NACC2: variants seen among roughly 807,000 people sequenced by gnomAD.
NACC2 encodes the protein nucleus accumbens-associated protein 2.
In NACC2, 8 loss-of-function variants were observed where a neutral mutation model predicts 25.1. The ratio of observed to expected loss-of-function variants is 0.32; its 90% CI spans 0.19 to 0.57. NACC2 has a LOEUF of 0.57. Ranked by LOEUF, NACC2 falls within the 20% of genes least tolerant of loss-of-function variation. The pLI is 0.89. For synonymous variants in NACC2, 435 were observed against 294.7 expected (o/e 1.48, Z -4.88); for missense variants, 644 against 650.2 (o/e 0.99, Z 0.10).
intron 1 of NACC2, among the ~76,000 whole-genome samples, chr9:136,090,218 G>A (rs190164775): frequency 6.6e-6 from 1 of 152,360 alleles, no homozygotes; most frequent in East Asian, 1.9e-4. Context: ...CAGATGCCCA[G>A]GGCCTGGGTG....
chr9:136,044,126 A>G (rs1171783511), intron 2 of NACC2, among the ~76,000 whole-genome samples: 4 of 152,116 alleles, frequency 2.6e-5, no homozygotes, highest in Non-Finnish European at 5.9e-5. Context: ...CGCCTGGCCA[A>G]TACAAATACT....
chr9:136,029,397 T>C (rs1840441066), intron 2 of NACC2, among the ~76,000 whole-genome samples: 1 of 152,226 alleles, frequency 6.6e-6, no homozygotes, highest in South Asian at 2.1e-4. Context: ...AAAGCATTTC[T>C]TCACTTTACT....
intron 1 of NACC2, among the ~76,000 whole-genome samples, chr9:136,091,380 C>A (rs145582312): frequency 6.6e-6 from 1 of 152,298 alleles, no homozygotes; most frequent in East Asian, 1.9e-4. Context: ...CCCAGGAGAC[C>A]TGAGCCCAGG....
intron 1 of NACC2, among the ~76,000 whole-genome samples, chr9:136,056,017 C>G (rs993890321): frequency 2.6e-5 from 4 of 152,182 alleles, no homozygotes; most frequent in African/African-American, 9.7e-5. Context: ...CCGCGCAACG[C>G]CTTCCCTTTC....
intron 2 of NACC2, 50 bp downstream of exon 2, chr9:136,049,586 A>C: frequency 1.4e-6 from 1 of 738,162 alleles, no homozygotes; most frequent in Non-Finnish European, 2.5e-6. Flanking sequence ...GGTCCCAGGC[A>C]GGCCCCGCTT....
In NACC2 at chr9:136,055,261, C is replaced by T. The variant is rs987974864; in HGVS notation, c.-59-4681G>A. On this transcript the variant is annotated intron_variant, in intron 1 of 5. Transcript: ENST00000277554. The surrounding 1 kb of genome is among the most constrained non-coding windows in gnomAD (Gnocchi z 4.9). ...CACACAGGGGTTGGGGCAGCGTCTC[C>T]AGAACGACCCCCCTGCCTGAGTGTC... Among the ~76,000 whole-genome samples, 1 of 152,150 alleles carries T rather than the reference C, an allele frequency of 6.6e-6. No homozygotes were observed. Among genetic ancestry groups the T allele is most frequent in the African/African-American group, 2.4e-5 (1 of 41,436 alleles).
In NACC2 at chr9:136,019,267, C is replaced by G. The variant is rs997397309; in HGVS notation, c.887-2838G>C. The G allele has an allele frequency of 6.6e-6, 1 of 152,240 alleles. No homozygotes were observed. The highest frequency in any genetic ancestry group is 2.4e-5 in the African/African-American group (1 of 41,464). The allele number at this position is 152,240 out of a possible 1,614,324, so 9.4% of individuals were successfully genotyped here. A position where few individuals can be genotyped will look rare whatever the true frequency, so the allele number is the denominator to read the frequency against. On this transcript the variant is annotated intron_variant, in intron 2 of 5. Coordinates refer to ENST00000277554, the MANE Select transcript of NACC2 (RefSeq NM_144653.5). This position sits in a 1 kb window ranked among gnomAD's most constrained non-coding sequence, Gnocchi z 5.2. ...ATGGCAGAGACAGGACGGCTCATCC[C>G]TCGTGGCCCCCGGAAGGGCCATTCA...
At chr9:136,045,550 C>A (rs1460612632) in intron 2 of NACC2, among the ~76,000 whole-genome samples, 1 of 152,220 alleles carries the variant, frequency 6.6e-6, no homozygotes, top group Non-Finnish European at 1.5e-5. Flanking sequence ...GCCGGGCGAG[C>A]CCCATCAGGC....
At chr9:136,088,965 G>A (rs922951521) in intron 1 of NACC2, among the ~76,000 whole-genome samples, 1 of 152,242 alleles carries the variant, frequency 6.6e-6, no homozygotes, top group Non-Finnish European at 1.5e-5. Flanking sequence ...AATGATCTCG[G>A]CATCGCGTGG....
intron 1 of NACC2, among the ~76,000 whole-genome samples, chr9:136,052,803 C>A (rs1840866656): frequency 6.6e-6 from 1 of 152,250 alleles, no homozygotes; most frequent in African/African-American, 2.4e-5. Context: ...CACCTCCTGC[C>A]CAAGGGGGTC....
chr9:136,035,742 G>A lies in NACC2; in HGVS notation c.886+13894C>T, dbSNP rs554561622. On this transcript the variant is annotated intron_variant, in intron 2 of 5. Coordinates refer to ENST00000277554, the MANE Select transcript of NACC2 (RefSeq NM_144653.5). Reference sequence around the variant, plus strand: ...AAAAAAAAAAGTTCAGCCTTTTGATGTAAAGGGCATAATATCTGCAACTTA... The same window carrying A: ...AAAAAAAAAAGTTCAGCCTTTTGATATAAAGGGCATAATATCTGCAACTTA... Among the ~76,000 whole-genome samples, 357 of 151,870 alleles carry A rather than the reference G, an allele frequency of 2.4e-3. 9 individuals carry two copies. The South Asian group carries it at 0.053, about 23-fold the overall frequency.
chr9:136,019,641 G>A lies in NACC2; in HGVS notation c.887-3212C>T, dbSNP rs1160130058. ...AGGGAAGGTGCACCAGGGTCACGACGAGAGGGCCCGGAGCAGCAGCCTCCC... is the reference window on the plus strand; with the variant it reads ...AGGGAAGGTGCACCAGGGTCACGACAAGAGGGCCCGGAGCAGCAGCCTCCC... On this transcript the variant is annotated intron_variant, in intron 2 of 5. Coordinates refer to ENST00000277554, the MANE Select transcript of NACC2 (RefSeq NM_144653.5). This position sits in a 1 kb window ranked among gnomAD's most constrained non-coding sequence, Gnocchi z 5.2. Among the ~76,000 whole-genome samples the A allele has an allele frequency of 2.0e-5, 3 of 152,196 alleles. No homozygotes were observed. The highest frequency in any genetic ancestry group is 2.1e-4 in the South Asian group (1 of 4,834).
Position 136,050,357 on chromosome 9 carries a change from G to A in NACC2, c.165C>T (p.Phe55=). ...TGCTGTTGCCGCTGAACAGGTCGCG[G>A]AAGTAGAGGCTGCTGGCGGCCAGCA... ...RAVLAASSLY[F]RDLFSGNSKS... Residue 55 remains phenylalanine (F), a synonymous_variant, in exon 2 of 6, where the codon TTC becomes TTT. Transcript: ENST00000277554. 1 of 749,502 alleles carries A rather than the reference G, an allele frequency of 1.3e-6. No individual in the cohort carries two copies. Among genetic ancestry groups the A allele is most frequent in the Non-Finnish European group, 2.4e-6 (1 of 408,490 alleles). 46.4% of individuals were successfully genotyped at this position (749,502 alleles called of 1,614,324 possible). A position where few individuals can be genotyped will look rare whatever the true frequency, so the allele number is the denominator to read the frequency against.
chr9:136,044,864 T>A (rs1352895742), intron 2 of NACC2, among the ~76,000 whole-genome samples: 1 of 152,028 alleles, frequency 6.6e-6, no homozygotes, highest in Non-Finnish European at 1.5e-5. Flanking sequence ...GCCACCTGGG[T>A]TCTGTGGCCC....
At chr9:136,069,176 G>C (rs1255828217) in intron 1 of NACC2, among the ~76,000 whole-genome samples, 10 of 146,642 alleles carry the variant, frequency 6.8e-5, no homozygotes, top group Non-Finnish European at 2.9e-5. Context: ...AAAGTGCTGG[G>C]ATCATAGGCG....
intron 1 of NACC2, among the ~76,000 whole-genome samples, chr9:136,090,398 G>A (rs367758869): frequency 6.2e-4 from 94 of 152,364 alleles, no homozygotes; most frequent in African/African-American, 2.0e-3. Context: ...CAGTGCCCAG[G>A]AGTGAGAAGG....
intron 2 of NACC2, among the ~76,000 whole-genome samples, chr9:136,024,110 T>G (rs965378072): frequency 7.0e-6 from 1 of 141,866 alleles, no homozygotes; most frequent in African/African-American, 2.7e-5. Flanking sequence ...TGTGTGTGGG[T>G]GAGGACAGAG....
At position 136,016,433 on chromosome 9, in the gene NACC2, T is replaced by G. The variant is rs1246523229; in HGVS notation, c.887-4A>C. 1 of 1,610,844 alleles carries G rather than the reference T, an allele frequency of 6.2e-7. No individual in the cohort carries two copies. Among genetic ancestry groups the G allele is most frequent in the Admixed American group, 1.7e-5 (1 of 60,024 alleles). ...ACTGGCTCAGGCTTCTCTTGCACTG[T>G]GGGCCCAGAACCAACCTGGTCAGAT... is the stretch of plus-strand genomic sequence containing the variant. On this transcript the variant is annotated splice_polypyrimidine_tract_variant and splice_region_variant and intron_variant, in intron 2 of 5. Coordinates refer to ENST00000277554, the MANE Select transcript of NACC2 (RefSeq NM_144653.5).
At position 136,007,349 on chromosome 9, in the gene NACC2, A is replaced by G. The variant is rs1564212694; in HGVS notation, c.*4167T>C. Reference sequence around the variant, plus strand: ...CCGGTGGTGACGTGCACGCGCGTGCACACACACAGACACACGCGTGCACAC... The same window carrying G: ...CCGGTGGTGACGTGCACGCGCGTGCGCACACACAGACACACGCGTGCACAC... On this transcript the variant is annotated 3_prime_UTR_variant, in exon 6 of 6. Coordinates refer to ENST00000277554, the MANE Select transcript of NACC2 (RefSeq NM_144653.5). 1 of 149,440 alleles carries G rather than the reference A, an allele frequency of 6.7e-6. No individual in the cohort carries two copies. Among genetic ancestry groups the G allele is most frequent in the African/African-American group, 2.4e-5 (1 of 40,974 alleles). The allele number at this position is 149,440 out of a possible 1,614,324, so 9.3% of individuals were successfully genotyped here.
Sources: gnomAD v4.1 joint callset for allele counts (sites outside exome capture counted in the v4.1 genomes callset) on GRCh38, gnomAD v4.1.1 for gene constraint, Gnocchi (gnomAD v3.1) non-coding constraint, MANE v1.5 for transcripts, NCBI Gene and HGNC (gene_info 2026-07-23, HGNC 2026-07-21) for gene names.